Variants in PDE4C observed in about 807,000 individuals in gnomAD.
The protein encoded by PDE4C is phosphodiesterase 4C.
In PDE4C, 50 loss-of-function variants were observed where a neutral mutation model predicts 63.9. That is an observed-to-expected ratio of 0.78 (90% confidence interval 0.62 to 0.99). The LOEUF is 0.99. Ranked by LOEUF, PDE4C falls within the 50% of genes least tolerant of loss-of-function variation. The probability of loss-of-function intolerance (pLI) is 0.00; values close to 1 mark genes in which losing one functional copy is unlikely to be tolerated. For synonymous variants in PDE4C, 377 were observed against 385.1 expected (o/e 0.98, Z 0.25); for missense variants, 777 against 899.1 (o/e 0.86, Z 1.74).
At chr19:18,250,109 T>C (rs943405582), upstream of PDE4C, 1 of 398,706 alleles carries the variant, frequency 2.5e-6, no homozygotes, top group East Asian at 3.6e-5. Context: ...CATGCCCCCA[T>C]CTCTGTTGGC....
At chr19:18,219,315 C>A (rs1968357771) in exon 8 of PDE4C, 1 of 1,614,000 alleles carries the variant, frequency 6.2e-7, no homozygotes, top group Non-Finnish European at 8.5e-7. Context: ...TGTGGCAGAG[C>A]CCATGTAGGC....
chr19:18,249,761 CAG>C (rs1209800521), upstream of PDE4C, among the ~76,000 whole-genome samples: 1 of 151,726 alleles, frequency 6.6e-6, no homozygotes, highest in African/African-American at 2.4e-5. Flanking sequence ...TTAGTACAGA[CAG>C]AGTTTCGCCA....
exon 15 of PDE4C, chr19:18,210,827 A>G (rs1201264347): frequency 1.3e-6 from 2 of 1,499,004 alleles, no homozygotes; most frequent in East Asian, 2.3e-5. Flanking sequence ...TGGGTGGGAA[A>G]GTGAAGCAGG....
chr19:18,223,590 C>T (rs982857166), intron 1 of PDE4C, among the ~76,000 whole-genome samples: 2 of 152,288 alleles, frequency 1.3e-5, no homozygotes, highest in African/African-American at 4.8e-5. Flanking sequence ...GTGATCTGCC[C>T]GCCTCGGCCT....
At chr19:18,233,171 G>T in exon 1 of PDE4C, 1 of 1,558,348 alleles carries the variant, frequency 6.4e-7, no homozygotes, top group East Asian at 2.4e-5. Context: ...CTGCCCCTTC[G>T]CCGACCCCCA....
intron 1 of PDE4C, among the ~76,000 whole-genome samples, chr19:18,242,765 A>G (rs1382209035): frequency 6.8e-6 from 1 of 146,842 alleles, no homozygotes; most frequent in East Asian, 2.0e-4. Context: ...AGCCTGGGCC[A>G]CAGAGCAAGA....
chr19:18,229,858 C>T (rs1968815217), upstream of PDE4C, among the ~76,000 whole-genome samples: 1 of 152,074 alleles, frequency 6.6e-6, no homozygotes, highest in Non-Finnish European at 1.5e-5. Context: ...ATTCACACCT[C>T]CCAGAGGTCC....
intron 1 of PDE4C, among the ~76,000 whole-genome samples, chr19:18,222,694 TC>T (rs1968544059): frequency 9.7e-6 from 1 of 102,962 alleles, no homozygotes. Flanking sequence ...TCTCGCCCTT[TC>T]TTTTCTTTTT....
upstream of PDE4C, among the ~76,000 whole-genome samples, chr19:18,234,955 A>G (rs1968924987): frequency 6.6e-6 from 1 of 152,184 alleles, no homozygotes; most frequent in South Asian, 2.1e-4. Context: ...CTCAATGGTG[A>G]GGGACATGGT....
intron 1 of PDE4C, among the ~76,000 whole-genome samples, chr19:18,223,527 C>T (rs1442811327): frequency 6.6e-6 from 1 of 151,712 alleles, no homozygotes; most frequent in Non-Finnish European, 1.5e-5. Context: ...TGTATTTTTA[C>T]TAGAGACAGG....
At chr19:18,235,360 G>A (rs368897805), upstream of PDE4C, among the ~76,000 whole-genome samples, 21 of 152,256 alleles carry the variant, frequency 1.4e-4, no homozygotes, top group African/African-American at 3.6e-4. Context: ...TAGTAGAGAC[G>A]CAGTTTCACC....
intron 12 of PDE4C, among the ~76,000 whole-genome samples, 176 bp downstream of exon 12, chr19:18,216,565 G>A (rs58756555): frequency 0.052 from 7,928 of 152,182 alleles, 684 homozygotes; most frequent in East Asian, 0.44. Context: ...ATGAGCCACC[G>A]CCCCTGGCCC....
At chr19:18,243,030 T>A (rs1473006392) in intron 1 of PDE4C, among the ~76,000 whole-genome samples, 1 of 151,924 alleles carries the variant, frequency 6.6e-6, no homozygotes, top group Non-Finnish European at 1.5e-5. Context: ...TGTGAGTGGA[T>A]CTGAGATATG....
At chr19:18,222,400 C>A in intron 1 of PDE4C, 77 bp from the exon 2 acceptor site, 2 of 1,356,282 alleles carry the variant, frequency 1.5e-6, no homozygotes, top group South Asian at 1.3e-5. Flanking sequence ...TTGTCTGGTG[C>A]GTCCTCCCTG....
At chr19:18,248,110 A>G in intron 1 of PDE4C, 1 of 454,086 alleles carries the variant, frequency 2.2e-6, no homozygotes. Flanking sequence ...ACCTCTCCTG[A>G]GACGCCCCCA....
At chr19:18,226,496 G>A (rs1048242206), upstream of PDE4C, 2 of 1,220,442 alleles carry the variant, frequency 1.6e-6, no homozygotes, top group South Asian at 2.3e-5. Context: ...GGGCCCAGCG[G>A]GGAGGGGGCA....
chr19:18,248,559 C>T (rs1055552568), upstream of PDE4C, among the ~76,000 whole-genome samples: 9 of 151,128 alleles, frequency 6.0e-5, no homozygotes, highest in South Asian at 2.1e-4. Context: ...AGAGAGGGCG[C>T]GAAGGAAGAT....
At chr19:18,215,976 C>T (rs557385826) in intron 12 of PDE4C, among the ~76,000 whole-genome samples, 5 of 151,716 alleles carry the variant, frequency 3.3e-5, no homozygotes, top group Non-Finnish European at 7.4e-5. Flanking sequence ...ATCACAGGTG[C>T]CCGCCACCAG....
upstream of PDE4C, among the ~76,000 whole-genome samples, chr19:18,234,643 G>T (rs1968920169): frequency 6.6e-6 from 1 of 152,032 alleles, no homozygotes; most frequent in African/African-American, 2.4e-5. Context: ...AGGCCATTAG[G>T]GTGCCTCTTG....
Sources: gnomAD v4.1 joint callset for allele counts (sites outside exome capture counted in the v4.1 genomes callset) on GRCh38, gnomAD v4.1.1 for gene constraint, MANE v1.5 for transcripts, NCBI Gene and HGNC (gene_info 2026-07-23, HGNC 2026-07-21) for gene names.